BCAT1: variants seen among roughly 807,000 people sequenced by gnomAD.
BCAT1 encodes the protein branched chain amino acid transaminase 1.
In BCAT1, 48 loss-of-function variants were observed where a neutral mutation model predicts 52.4. That is an observed-to-expected ratio of 0.92 (90% CI 0.73 to 1.16). BCAT1 has a LOEUF of 1.16. Ranked by LOEUF, BCAT1 falls within the 50% of genes most tolerant of loss-of-function variation. The pLI is 0.00. For missense variants in BCAT1, 451 were observed against 457.1 expected, an observed-to-expected ratio of 0.99 and a Z score of 0.12; for synonymous variants, 167 against 161.3, an observed-to-expected ratio of 1.04 and a Z score of -0.27.
At chr12:24,902,650 T>C in intron 1 of BCAT1, 1 of 482,328 alleles carries the variant, frequency 2.1e-6, no homozygotes. Flanking sequence ...TCAGAGCGAG[T>C]CCATAGCTAC....
rs745863033 is a variant in BCAT1, at chr12:24,832,784, A to T, written c.983T>A (p.Met328Lys). 12 of 1,611,782 alleles carry T rather than the reference A, an allele frequency of 7.4e-6. No individual in the cohort carries two copies. Among genetic ancestry groups the T allele is most frequent in the African/African-American group, 1.3e-5 (1 of 74,894 alleles). ...AACACAGGCTGTACCAGAGCCAAACATCTCTCTCACTCTGTTCCCCTCCAG... is the reference window on the plus strand; with the variant it reads ...AACACAGGCTGTACCAGAGCCAAACTTCTCTCTCACTCTGTTCCCCTCCAG... ...TALEGNRVRE[M>K]FGSGTACVVC... Residue 328 changes from methionine (M) to lysine (K), a missense_variant, in exon 9 of 11, where the codon ATG becomes AAG. Physicochemically the swap from Met to Lys is moderately conservative, Grantham distance 95 (BLOSUM62 -1). Transcript: ENST00000261192.
At chr12:24,903,246 G>A (rs1943165919) in intron 1 of BCAT1, 2 of 694,142 alleles carry the variant, frequency 2.9e-6, no homozygotes, top group Non-Finnish European at 2.0e-6. Context: ...CTGTCACCGG[G>A]GTCGCTTGCG....
chr12:24,895,316 G>A (rs1044397013), intron 2 of BCAT1, among the ~76,000 whole-genome samples: 1 of 152,136 alleles, frequency 6.6e-6, no homozygotes, highest in African/African-American at 2.4e-5. Flanking sequence ...CACAAGGTTT[G>A]GAGATTGAGA....
At chr12:24,948,310 C>A (rs1273913338) in intron 1 of BCAT1, among the ~76,000 whole-genome samples, 1 of 152,212 alleles carries the variant, frequency 6.6e-6, no homozygotes, top group African/African-American at 2.4e-5. Context: ...GCTAATTATC[C>A]TTGATTAGCA....
chr12:24,884,211 C>T (rs7965655), intron 3 of BCAT1, among the ~76,000 whole-genome samples: 127,988 of 152,218 alleles, frequency 0.84, 54,138 homozygotes, highest in East Asian at 1. Flanking sequence ...ATGGGGAACC[C>T]GTTGGACATT....
chr12:24,832,773 C>A lies in BCAT1; in HGVS notation c.994G>T (p.Gly332Cys). Reference sequence around the variant, plus strand: ...ACTGGGCAAACAACACAGGCTGTACCAGAGCCAAACATCTCTCTCACTCTG... The same window carrying A: ...ACTGGGCAAACAACACAGGCTGTACAAGAGCCAAACATCTCTCTCACTCTG... ...GNRVREMFGS[G>C]TACVVCPVSD... is the part of the protein sequence containing the mutation. Residue 332 changes from glycine (G) to cysteine (C), a missense_variant, in exon 9 of 11, where the codon GGT (glycine) becomes TGT (cysteine). Gly to Cys is a radical substitution (Grantham distance 159). Transcript: ENST00000261192. The A allele has an allele frequency of 1.9e-6, 3 of 1,611,414 alleles. No individual in the cohort carries two copies. Among genetic ancestry groups the A allele is most frequent in the African/African-American group, 1.3e-5 (1 of 74,998 alleles).
chr12:24,874,040 C>G (rs1179808869), intron 5 of BCAT1, among the ~76,000 whole-genome samples: 2 of 152,154 alleles, frequency 1.3e-5, no homozygotes, highest in African/African-American at 4.8e-5. Context: ...GGAGGCCGGG[C>G]ATGGTGGCTC....
intron 10 of BCAT1, among the ~76,000 whole-genome samples, chr12:24,828,134 C>CT (rs1472980683): frequency 2.0e-5 from 3 of 152,178 alleles, no homozygotes; most frequent in Non-Finnish European, 4.4e-5. Context: ...TTAAGTTTCA[C>CT]TTAGTTTCAT....
At chr12:24,851,344 A>G (rs1481502313) in intron 5 of BCAT1, among the ~76,000 whole-genome samples, 1 of 152,142 alleles carries the variant, frequency 6.6e-6, no homozygotes, top group Non-Finnish European at 1.5e-5. Context: ...CTGGAGGGAT[A>G]TTTTTATCTG....
intron 1 of BCAT1, among the ~76,000 whole-genome samples, chr12:24,922,793 C>G (rs1347769697): frequency 1.3e-5 from 2 of 151,788 alleles, no homozygotes; most frequent in African/African-American, 4.8e-5. Context: ...TTGCTTGAAT[C>G]CAGGAGGCAG....
intron 10 of BCAT1, among the ~76,000 whole-genome samples, chr12:24,828,062 T>C (rs1940483865): frequency 6.6e-6 from 1 of 152,156 alleles, no homozygotes; most frequent in Admixed American, 6.5e-5. Context: ...AGAAATGCCA[T>C]TTTTATCACT....
chr12:24,927,475 A>G (rs1943608697), intron 1 of BCAT1, among the ~76,000 whole-genome samples: 1 of 152,248 alleles, frequency 6.6e-6, no homozygotes, highest in Non-Finnish European at 1.5e-5. Context: ...GGTAGACTGA[A>G]CACATGAATC....
At chr12:24,856,660 T>C (rs951163149) in intron 5 of BCAT1, among the ~76,000 whole-genome samples, 1 of 152,186 alleles carries the variant, frequency 6.6e-6, no homozygotes, top group African/African-American at 2.4e-5. Flanking sequence ...GGCACCCTCA[T>C]CTTGGACTTC....
chr12:24,926,231 G>T (rs1258917050), intron 1 of BCAT1, among the ~76,000 whole-genome samples: 1 of 151,806 alleles, frequency 6.6e-6, no homozygotes, highest in Non-Finnish European at 1.5e-5. Flanking sequence ...GAGCGCCTCT[G>T]CCCGGCCGCC....
intron 1 of BCAT1, among the ~76,000 whole-genome samples, chr12:24,933,655 G>A (rs529785204): frequency 6.6e-6 from 1 of 152,176 alleles, no homozygotes; most frequent in Non-Finnish European, 1.5e-5. Flanking sequence ...GTTTTCTGGG[G>A]TATATACCCC....
At chr12:24,831,263 CAT>C (rs1368366716) in intron 9 of BCAT1, among the ~76,000 whole-genome samples, 2 of 152,256 alleles carry the variant, frequency 1.3e-5, no homozygotes, top group Non-Finnish European at 2.9e-5. Context: ...ACATACATAA[CAT>C]ACAAAATATG....
chr12:24,941,343 G>A (rs1164313807), intron 1 of BCAT1, among the ~76,000 whole-genome samples: 3 of 152,160 alleles, frequency 2.0e-5, no homozygotes, highest in Non-Finnish European at 4.4e-5. Context: ...GGCATTAATA[G>A]CAGCTATATG....
In BCAT1 at chr12:24,842,114, T is replaced by C. The variant is rs1247287166; in HGVS notation, c.785A>G (p.Asn262Ser). 6.2e-7 allele frequency: 1 copy of C among 1,613,770 alleles called. No homozygotes were observed. The highest frequency in any genetic ancestry group is 8.5e-7 in the Non-Finnish European group (1 of 1,179,810). Residue 262 changes from asparagine (N) to serine (S), a missense_variant, in exon 7 of 11, where the codon AAT (asparagine) becomes AGT (serine). Physicochemically the swap from Asn to Ser is conservative, Grantham distance 46 (BLOSUM62 1). Transcript: ENST00000261192. The stretch of plus-strand genomic sequence containing the variant: ...TTCATTTATCCAGTAAAGAAAAAGA[T>C]TCATAGTTCCCACTTCAGTGATCTG... The part of the protein sequence containing the change: ...DHQITEVGTM[N>S]LFLYWINEDG...
chr12:24,943,785 C>G (rs1339682479), intron 1 of BCAT1, among the ~76,000 whole-genome samples: 2 of 151,940 alleles, frequency 1.3e-5, no homozygotes, highest in African/African-American at 2.4e-5. Flanking sequence ...GAGATCAAGA[C>G]CTTCCTGGCT....
Sources: allele counts gnomAD v4.1 joint callset (sites outside exome capture counted in the v4.1 genomes callset), GRCh38; gene constraint gnomAD v4.1.1; transcripts MANE v1.5; gene names NCBI Gene and HGNC (gene_info 2026-07-23, HGNC 2026-07-21).